MAL2: variants seen among roughly 807,000 people sequenced by gnomAD.
The protein encoded by MAL2 is mal, T cell differentiation protein 2, also known as protein MAL2.
In MAL2, 17 loss-of-function variants were observed where a neutral mutation model predicts 18.1. The observed-to-expected ratio is 0.94, with a 90% CI of 0.64 to 1.41. The LOEUF (loss-of-function observed/expected upper bound fraction) is 1.41. MAL2 is among the 40% of genes most tolerant of loss of function. The probability of loss-of-function intolerance (pLI) is 0.00; values close to 1 mark genes in which losing one functional copy is unlikely to be tolerated. For synonymous variants in MAL2, 102 were observed against 102.3 expected (o/e 1.00, Z 0.02); for missense variants, 222 against 231.9 (o/e 0.96, Z 0.28).
rs748012911 is a variant in MAL2 at position 119,240,175 on chromosome 8, A to G, written c.314A>G (p.Tyr105Cys). ...DANWNFLDFA[Y>C]HFTVFVFYFG... is the part of the protein sequence containing the mutation. ...TCTCTCCTCTTTTAGGATTTTGCCT[A>G]CCATTTTACAGTATTTGTCTTCTAT... is the stretch of plus-strand genomic sequence containing the variant. The change falls in exon 3 of 4, where the codon TAC becomes TGC. Residue 105 changes from tyrosine (Y) to cysteine (C), a missense_variant. By Grantham distance (194) the Tyr-to-Cys change is radical. Transcript: ENST00000614891. The G allele has an allele frequency of 5.6e-6, 9 of 1,613,156 alleles. No homozygotes were observed. The highest frequency in any genetic ancestry group is 1.7e-4 in the Middle Eastern group (1 of 6,056).
intron 1 of MAL2, among the ~76,000 whole-genome samples, chr8:119,218,820 TAACA>T (rs909552838): frequency 2.0e-5 from 3 of 152,228 alleles, no homozygotes; most frequent in Admixed American, 1.3e-4. Flanking sequence ...TGCCTGTCCC[TAACA>T]AACAGTGGCC....
At chr8:119,229,479 A>C (rs1048395752) in intron 2 of MAL2, among the ~76,000 whole-genome samples, 1 of 151,928 alleles carries the variant, frequency 6.6e-6, no homozygotes, top group Admixed American at 6.6e-5. Context: ...TGCCCAGCTA[A>C]TTTTTGTATT....
At chr8:119,216,981 C>T (rs1817366499) in intron 1 of MAL2, among the ~76,000 whole-genome samples, 1 of 152,152 alleles carries the variant, frequency 6.6e-6, no homozygotes, top group African/African-American at 2.4e-5. Context: ...GCAAAAGGAA[C>T]CCTTTGGGAA....
At chr8:119,242,241 T>C (rs1563779857) in intron 3 of MAL2, among the ~76,000 whole-genome samples, 1 of 152,172 alleles carries the variant, frequency 6.6e-6, no homozygotes, top group Non-Finnish European at 1.5e-5. Flanking sequence ...ATTTGTCACC[T>C]TTGTCCTAAG....
chr8:119,226,925 G>GAGT (rs1416935183), intron 2 of MAL2, among the ~76,000 whole-genome samples: 1 of 152,198 alleles, frequency 6.6e-6, no homozygotes, highest in East Asian at 1.9e-4. Flanking sequence ...CAAATGCAAT[G>GAGT]AGTGAGGCTT....
intron 2 of MAL2, among the ~76,000 whole-genome samples, chr8:119,225,803 A>C (rs1449662077): frequency 6.6e-6 from 1 of 152,064 alleles, no homozygotes; most frequent in Admixed American, 6.5e-5. Context: ...CTTTTTAATG[A>C]TTGCCATTCT....
intron 2 of MAL2, among the ~76,000 whole-genome samples, chr8:119,233,269 A>C (rs537415696): frequency 3.3e-5 from 5 of 152,362 alleles, no homozygotes; most frequent in Non-Finnish European, 7.3e-5. Context: ...AGAACTAGAA[A>C]AGCAAGAGCA....
chr8:119,212,572 T>C (rs1320584574), intron 1 of MAL2, among the ~76,000 whole-genome samples: 1 of 152,186 alleles, frequency 6.6e-6, no homozygotes, highest in Admixed American at 6.5e-5. Context: ...TACCATGCTG[T>C]GTATGAAGTG....
chr8:119,234,900 A>G (rs200756949), intron 2 of MAL2, among the ~76,000 whole-genome samples: 1 of 152,172 alleles, frequency 6.6e-6, no homozygotes, highest in East Asian at 1.9e-4. Context: ...AACACAGAGC[A>G]CCTCTCCTCC....
chr8:119,241,836 C>A (rs1299043163), intron 3 of MAL2, among the ~76,000 whole-genome samples: 2 of 151,892 alleles, frequency 1.3e-5, no homozygotes, highest in Non-Finnish European at 2.9e-5. Flanking sequence ...TACCTAAAAC[C>A]CCAATAAATC....
At chr8:119,238,325 C>T (rs749500704) in intron 2 of MAL2, among the ~76,000 whole-genome samples, 5 of 152,070 alleles carry the variant, frequency 3.3e-5, no homozygotes, top group Non-Finnish European at 4.4e-5. Context: ...TAGGAAGAAC[C>T]AATATCATGA....
At chr8:119,211,859 A>G (rs1281149061) in intron 1 of MAL2, among the ~76,000 whole-genome samples, 1 of 148,602 alleles carries the variant, frequency 6.7e-6, no homozygotes, top group Non-Finnish European at 1.5e-5. Flanking sequence ...TTTAGCTTAG[A>G]ATGGAAGCCA....
chr8:119,241,566 C>T (rs994115564), intron 3 of MAL2, among the ~76,000 whole-genome samples: 4 of 152,046 alleles, frequency 2.6e-5, no homozygotes, highest in African/African-American at 7.2e-5. Flanking sequence ...TCACATGTGC[C>T]TAGTGGCTAT....
chr8:119,215,268 C>G (rs1400364958), intron 1 of MAL2: 1 of 152,162 alleles, frequency 6.6e-6, no homozygotes, highest in Non-Finnish European at 1.5e-5. Context: ...CGTTTTCATG[C>G]CTATTTTTGG....
rs1818109530 is a variant in MAL2, at chr8:119,244,345, A to G, written c.*857A>G. The G allele has an allele frequency of 6.6e-6, 1 of 152,184 alleles. No individual in the cohort carries two copies. Among genetic ancestry groups the G allele is most frequent in the Non-Finnish European group, 1.5e-5 (1 of 68,034 alleles). 9.4% of individuals were successfully genotyped at this position (152,184 alleles called of 1,614,324 possible). On this transcript the variant is annotated 3_prime_UTR_variant, in exon 4 of 4. Transcript: ENST00000614891. ...CAGGCAGAGTCCTGGATATAGGAAA[A>G]AGTAATTTATGAAGTAAACTTCAGT...
chr8:119,212,023 T>C (rs1046279803), intron 1 of MAL2, among the ~76,000 whole-genome samples: 1 of 152,210 alleles, frequency 6.6e-6, no homozygotes, highest in African/African-American at 2.4e-5. Flanking sequence ...GAAAGACCTA[T>C]AACCTAGTTG....
chr8:119,227,417 G>C (rs529739727), intron 2 of MAL2, among the ~76,000 whole-genome samples: 1 of 152,164 alleles, frequency 6.6e-6, no homozygotes, highest in East Asian at 1.9e-4. Context: ...GCTCTACAAA[G>C]TCTTGACCAA....
intron 1 of MAL2, among the ~76,000 whole-genome samples, chr8:119,213,071 G>C (rs1391728132): frequency 6.6e-6 from 1 of 152,144 alleles, no homozygotes; most frequent in Non-Finnish European, 1.5e-5. Flanking sequence ...ACCTGAAATA[G>C]AACCAATGAA....
At chr8:119,222,520 CAAAAA>C (rs771003231) in intron 2 of MAL2, among the ~76,000 whole-genome samples, 1 of 80,584 alleles carries the variant, frequency 1.2e-5, no homozygotes, top group African/African-American at 4.4e-5. Context: ...GACTCCATCT[CAAAAA>C]AAAAAAAAAA....
Sources: allele counts gnomAD v4.1 joint callset (sites outside exome capture counted in the v4.1 genomes callset), GRCh38; gene constraint gnomAD v4.1.1; transcripts MANE v1.5; gene names NCBI Gene and HGNC (gene_info 2026-07-23, HGNC 2026-07-21).